DCAF6: variants seen among roughly 807,000 people sequenced by gnomAD.
DCAF6 encodes the protein DDB1- and CUL4-associated factor 6.
DCAF6 carries 54 observed loss-of-function variants against 125.1 expected under a neutral mutation model. The observed-to-expected ratio is 0.43, with a 90% CI of 0.35 to 0.54. The LOEUF is 0.54. Ranked by LOEUF, DCAF6 falls within the 20% of genes least tolerant of loss-of-function variation. The pLI is 0.01. For synonymous variants in DCAF6, 371 were observed against 390.4 expected, an observed-to-expected ratio of 0.95 and a Z score of 0.58; for missense variants, 934 against 1,161.7, an observed-to-expected ratio of 0.80 and a Z score of 2.85.
intron 4 of DCAF6, among the ~76,000 whole-genome samples, chr1:167,985,761 A>AC (rs1679917054): frequency 6.6e-6 from 1 of 152,160 alleles, no homozygotes. Context: ...AAAAAGTATA[A>AC]AACACCTACT....
chr1:167,904,167 A>T, the DCAF6 span, among the ~76,000 whole-genome samples: 1 of 147,832 alleles, frequency 6.8e-6, no homozygotes, highest in Non-Finnish European at 1.5e-5. Context: ...AGCTCACTGC[A>T]ACCTCCGCCT....
At chr1:167,976,329 T>A (rs1002386578) in intron 4 of DCAF6, among the ~76,000 whole-genome samples, 3 of 151,878 alleles carry the variant, frequency 2.0e-5, no homozygotes, top group African/African-American at 4.8e-5. Context: ...ATCAGCTGGG[T>A]GTGGTGGTGC....
At chr1:167,962,469 T>G (rs1169025512) in intron 2 of DCAF6, among the ~76,000 whole-genome samples, 3 of 152,216 alleles carry the variant, frequency 2.0e-5, no homozygotes, top group East Asian at 1.9e-4. Context: ...TCCCTGATAA[T>G]TTTTCTTGCT....
chr1:167,912,653 T>C, the DCAF6 span, among the ~76,000 whole-genome samples: 1 of 152,166 alleles, frequency 6.6e-6, no homozygotes, highest in Non-Finnish European at 1.5e-5. Flanking sequence ...TCTGTCTCTG[T>C]ATGGGGGAGC....
In DCAF6 at chr1:168,071,121, T is replaced by C. The variant is rs144125208; in HGVS notation, c.2791+2658T>C. Among the ~76,000 whole-genome samples the C allele has an allele frequency of 2.9e-4, 44 of 152,344 alleles. No individual in the cohort carries two copies. The East Asian group carries it at 8.3e-3, about 29-fold the overall frequency. The stretch of plus-strand genomic sequence containing the variant: ...ATACCCTTGATCTCCCTGCTTCTAC[T>C]TCTCTTGTCCTCATAGTCTGATTTT... On this transcript the variant is annotated intron_variant, in intron 21 of 21. Coordinates refer to ENST00000367840, the MANE Select transcript of DCAF6 (RefSeq NM_001198956.2).
At position 168,056,342 on chromosome 1, in the gene DCAF6, C is replaced by T. The variant is rs1311679767; in HGVS notation, c.2300+5409C>T. On this transcript the variant is annotated intron_variant, in intron 17 of 21. Coordinates refer to ENST00000367840, the MANE Select transcript of DCAF6 (RefSeq NM_001198956.2). The stretch of plus-strand genomic sequence containing the variant: ...CCACCCCCAGCTGCCAGGGCCTCGG[C>T]GGGCAGGGCGCGGCGGGTGACGGGA... The T allele has an allele frequency of 2.0e-5, 31 of 1,587,816 alleles. No individual in the cohort carries two copies. In the South Asian group the frequency reaches 2.2e-4, roughly 11 times the overall value.
chr1:167,925,227 C>T, the DCAF6 span, among the ~76,000 whole-genome samples: 1 of 151,716 alleles, frequency 6.6e-6, no homozygotes, highest in Non-Finnish European at 1.5e-5. Flanking sequence ...ATATTTTACT[C>T]CAGTTATTTG....
At chr1:167,902,059 GA>G in the DCAF6 span, 219,531 of 1,179,814 alleles carry the variant, frequency 0.19, 4,266 homozygotes, top group Admixed American at 0.3. Context: ...ACACTTCTGA[GA>G]AAAAAAAAAA....
intron 2 of DCAF6, among the ~76,000 whole-genome samples, chr1:167,956,112 A>G (rs1043642535): frequency 6.6e-6 from 1 of 152,030 alleles, no homozygotes; most frequent in African/African-American, 2.4e-5. Context: ...CAGTTTTTTC[A>G]TGGATGCTTG....
chr1:167,899,404 G>A, the DCAF6 span: 2 of 1,613,244 alleles, frequency 1.2e-6, no homozygotes, highest in Non-Finnish European at 1.7e-6. Context: ...CTTTCTGTAA[G>A]TAGCAGCATC....
intron 1 of DCAF6, among the ~76,000 whole-genome samples, chr1:167,940,689 T>C (rs940381868): frequency 6.6e-5 from 10 of 151,976 alleles, no homozygotes; most frequent in African/African-American, 2.4e-4. Context: ...AAGATAAACA[T>C]TGTTAATAAA....
chr1:167,897,614 C>A, the DCAF6 span, among the ~76,000 whole-genome samples: 4,458 of 4,816 alleles, frequency 0.93, 2,229 homozygotes, highest in Middle Eastern at 1. Context: ...TGTGTGACAA[C>A]ATCGGCTGGC....
rs548262683 is a variant in DCAF6 at position 168,003,885 on chromosome 1, A to G, written c.1013A>G (p.Asn338Ser). 4 of 1,610,724 alleles carry G rather than the reference A, an allele frequency of 2.5e-6. No homozygotes were observed. Among genetic ancestry groups the G allele is most frequent in the African/African-American group, 1.3e-5 (1 of 74,924 alleles). Residue 338 changes from asparagine (N) to serine (S), a missense_variant, in exon 9 of 22, where the codon AAT (asparagine) becomes AGT (serine). Asn to Ser is a conservative substitution (Grantham distance 46). This residue lies in a region of DCAF6 where 559 missense variants were observed against 635.5 expected (regional missense o/e 0.88). Transcript: ENST00000367840. ...ERERDGEQSP[N>S]VSLMQRMSDM... ...ATTGTAATAGGAGAGCAGAGTCCCA[A>G]TGTGTCATTGATGCAGAGAATGTCT...
At chr1:167,978,168 GT>G in intron 4 of DCAF6, among the ~76,000 whole-genome samples, 1 of 152,304 alleles carries the variant, frequency 6.6e-6, no homozygotes, top group Non-Finnish European at 1.5e-5. Flanking sequence ...GCTGTTGGAA[GT>G]TTGGAGAACA....
In DCAF6 at chr1:167,936,921, G is replaced by C. The variant is rs146520790; in HGVS notation, c.10G>C (p.Gly4Arg). The C allele has an allele frequency of 1.8e-4, 285 of 1,605,256 alleles. No individual in the cohort carries two copies. The highest frequency in any genetic ancestry group is 1.8e-3 in the Middle Eastern group (9 of 5,138). Residue 4 changes from glycine to arginine, a missense_variant, in exon 1 of 22, where the codon GGT becomes CGT. By Grantham distance (125) the Gly-to-Arg change is moderately radical (BLOSUM62 -2). This residue lies in a region of DCAF6 where 309 missense variants were observed against 381.2 expected (regional missense o/e 0.81). Transcript: ENST00000367840. MSR[G>R]GSYPHLLWDV... ...CGGCTCAGGCAGAGCCATGTCTCGG[G>C]GTGGCTCCTACCCACACCTGTTGTG...
chr1:168,002,532 T>A lies in DCAF6; in HGVS notation c.954T>A (p.Asp318Glu). 1 of 1,613,128 alleles carries A rather than the reference T, an allele frequency of 6.2e-7. No homozygotes were observed. Among genetic ancestry groups the A allele is most frequent in the Non-Finnish European group, 8.5e-7 (1 of 1,179,246 alleles). ...TGAGACTTCGTGGTGATTGGTCAGA[T>A]ACTGGACCCAGAGCAAGGCCGGAGA... Reference protein sequence around the residue: ...KRLRLRGDWSDTGPRARPESE... With the variant: ...KRLRLRGDWSETGPRARPESE... Residue 318 changes from aspartate to glutamate, a missense_variant, in exon 8 of 22, where the codon GAT becomes GAA. Physicochemically the swap from Asp to Glu is conservative, Grantham distance 45 (BLOSUM62 2). Around this residue, in one of 5 missense-constraint regions of DCAF6, gnomAD observed 3 missense variants for 20.2 expected, o/e 0.15. Transcript: ENST00000367840.
chr1:167,873,006 G>T, the DCAF6 span, among the ~76,000 whole-genome samples: 1 of 151,854 alleles, frequency 6.6e-6, no homozygotes, highest in African/African-American at 2.4e-5. Flanking sequence ...GGACGCAGAG[G>T]TTGTAGTGAG....
intron 4 of DCAF6, among the ~76,000 whole-genome samples, chr1:167,978,808 A>G (rs1206776421): frequency 1.3e-5 from 2 of 152,024 alleles, no homozygotes; most frequent in Non-Finnish European, 2.9e-5. Context: ...GGCATGCACT[A>G]CTGCACCTGG....
At chr1:167,987,360 G>A (rs969835848) in intron 4 of DCAF6, 135 bp from the exon 5 acceptor site, 1 of 527,558 alleles carries the variant, frequency 1.9e-6, no homozygotes, top group Non-Finnish European at 3.4e-6. Flanking sequence ...CATAGTATGG[G>A]TAAGCCATGA....
Sources: gnomAD v4.1 joint callset for allele counts (sites outside exome capture counted in the v4.1 genomes callset) on GRCh38, gnomAD v4.1.1 for gene constraint, gnomAD v4.1.1 regional missense constraint, MANE v1.5 for transcripts, NCBI Gene and HGNC (gene_info 2026-07-23, HGNC 2026-07-21) for gene names.